PPP1CC: variants seen among roughly 807,000 people sequenced by gnomAD.
PPP1CC encodes protein phosphatase 1 catalytic subunit gamma.
Under a neutral mutation model 38.4 loss-of-function variants are expected in PPP1CC, and 16 were observed. That is an observed-to-expected ratio of 0.42 (90% CI 0.28 to 0.63). The LOEUF is 0.63. Ranked by LOEUF, PPP1CC falls within the 30% of genes least tolerant of loss-of-function variation. PPP1CC has a pLI of 0.25. For missense variants in PPP1CC, 170 were observed against 391.3 expected (o/e 0.43, Z 4.77); for synonymous variants, 158 against 136.0 (o/e 1.16, Z -1.13).
intron 1 of PPP1CC, among the ~76,000 whole-genome samples, chr12:110,736,933 CA>C (rs1410796262): frequency 6.6e-6 from 1 of 152,150 alleles, no homozygotes; most frequent in Non-Finnish European, 1.5e-5. Context: ...AAGAAAGGCA[CA>C]AGTGGTATAA....
In PPP1CC at chr12:110,722,086, G is replaced by A; in HGVS notation, c.882+49C>T. The A allele has an allele frequency of 1.9e-6, 3 of 1,602,568 alleles. No homozygotes were observed. The highest frequency in any genetic ancestry group is 2.6e-6 in the Non-Finnish European group (3 of 1,173,198). ...AAGTAGCAATTATATTTTTCAATCAGCAAAGTGTAAACATATTAAAAGGAA... is the reference window on the plus strand; with the variant it reads ...AAGTAGCAATTATATTTTTCAATCAACAAAGTGTAAACATATTAAAAGGAA... On this transcript the variant is annotated intron_variant, in intron 6 of 6. Coordinates refer to ENST00000335007, the MANE Select transcript of PPP1CC (RefSeq NM_002710.4). This position sits in a 1 kb window ranked among gnomAD's most constrained non-coding sequence, Gnocchi z 5.4.
intron 1 of PPP1CC, among the ~76,000 whole-genome samples, chr12:110,737,646 T>C (rs772516609): frequency 1.2e-4 from 18 of 151,762 alleles, no homozygotes; most frequent in Non-Finnish European, 1.5e-4. Context: ...ACTTCAGGCA[T>C]TGAGAAGTGA....
intron 3 of PPP1CC, among the ~76,000 whole-genome samples, chr12:110,728,215 C>A (rs1435621743): frequency 6.6e-6 from 1 of 151,434 alleles, no homozygotes. Context: ...CTGGCTAACA[C>A]AGTGAAACCC....
At chr12:110,734,829 CT>C (rs2136560977) in intron 1 of PPP1CC, 2 of 152,768 alleles carry the variant, frequency 1.3e-5, no homozygotes, top group South Asian at 4.2e-4. Context: ...CAAGTGAACA[CT>C]GGAGAGTTCT....
At chr12:110,719,207 A>T (rs1027420429), downstream of PPP1CC, among the ~76,000 whole-genome samples, 1 of 152,134 alleles carries the variant, frequency 6.6e-6, no homozygotes, top group Non-Finnish European at 1.5e-5. Context: ...ACAAGTTTGG[A>T]TATTGTCAAT....
chr12:110,740,985 CA>C (rs1278195438), intron 1 of PPP1CC, among the ~76,000 whole-genome samples: 3 of 152,268 alleles, frequency 2.0e-5, no homozygotes, highest in Admixed American at 2.0e-4. Flanking sequence ...TCCTTTCTTA[CA>C]GCAAACTATT....
chr12:110,735,837 G>A (rs2069937378), intron 1 of PPP1CC, among the ~76,000 whole-genome samples: 2 of 151,622 alleles, frequency 1.3e-5, no homozygotes, highest in Non-Finnish European at 2.9e-5. Flanking sequence ...GTCCGAAGCG[G>A]GCGGATCACC....
chr12:110,711,117 A>G, the PPP1CC span, among the ~76,000 whole-genome samples: 7 of 152,068 alleles, frequency 4.6e-5, no homozygotes, highest in Admixed American at 4.6e-4. Flanking sequence ...CGGAGGTTGC[A>G]GTGAGTGATG....
chr12:110,712,986 T>C, the PPP1CC span, among the ~76,000 whole-genome samples: 2 of 151,974 alleles, frequency 1.3e-5, no homozygotes, highest in East Asian at 3.9e-4. Flanking sequence ...AGCAGGAGAA[T>C]TGCTTGAACT....
intron 1 of PPP1CC, among the ~76,000 whole-genome samples, chr12:110,740,517 T>C (rs1244383981): frequency 2.6e-5 from 4 of 152,152 alleles, no homozygotes; most frequent in Non-Finnish European, 5.9e-5. Context: ...ATATCCTCAA[T>C]GGATCATCTT....
Position 110,741,733 on chromosome 12 carries a change from T to G in PPP1CC, c.55+920A>C, listed in dbSNP as rs143366062. Among the ~76,000 whole-genome samples, 1,520 of 152,368 alleles carry G rather than the reference T, an allele frequency of 1.0e-2. 88 individuals carry two copies. Among genetic ancestry groups the G allele is most frequent in the Admixed American group, 0.085 (1,297 of 15,298 alleles). Reference sequence around the variant, plus strand: ...CGGCTATGTGGATTTGAAATCCAACTGTCACTAACTGTGTGACCTTGGTTA... The same window carrying G: ...CGGCTATGTGGATTTGAAATCCAACGGTCACTAACTGTGTGACCTTGGTTA... On this transcript the variant is annotated intron_variant, in intron 1 of 6. Transcript: ENST00000335007.
At chr12:110,712,635 C>CAA in the PPP1CC span, among the ~76,000 whole-genome samples, 89 of 37,610 alleles carry the variant, frequency 2.4e-3, no homozygotes, top group African/African-American at 3.7e-3. Context: ...GAAACTGTCT[C>CAA]AAAAAAAAAA....
chr12:110,712,651 AAAAAAAAAAAAAAAAG>A, the PPP1CC span, among the ~76,000 whole-genome samples: 7 of 149,178 alleles, frequency 4.7e-5, no homozygotes, highest in Admixed American at 6.7e-5. Context: ...AAAAAAAAAA[AAAAAAAAAAAAAAAAG>A]GGGGGGCACT....
At chr12:110,737,352 C>T (rs2069954958) in intron 1 of PPP1CC, among the ~76,000 whole-genome samples, 2 of 151,614 alleles carry the variant, frequency 1.3e-5, no homozygotes, top group Admixed American at 1.3e-4. Context: ...GTGGTACATG[C>T]CTGTAGTCCC....
intron 1 of PPP1CC, among the ~76,000 whole-genome samples, chr12:110,741,983 C>A (rs1476629921): frequency 6.6e-6 from 1 of 152,254 alleles, no homozygotes; most frequent in African/African-American, 2.4e-5. Flanking sequence ...ATAGCGTCAG[C>A]CTCGTTGGCT....
the PPP1CC span, among the ~76,000 whole-genome samples, chr12:110,709,519 T>G: frequency 6.6e-6 from 1 of 150,892 alleles, no homozygotes; most frequent in African/African-American, 2.4e-5. Flanking sequence ...TGAGCCATGG[T>G]GCCCGGCCAA....
intron 1 of PPP1CC, among the ~76,000 whole-genome samples, chr12:110,740,289 AAAG>A (rs1471473485): frequency 1.3e-5 from 2 of 152,198 alleles, no homozygotes; most frequent in African/African-American, 4.8e-5. Flanking sequence ...GGCATTATGA[AAAG>A]AATAAAATTT....
downstream of PPP1CC, among the ~76,000 whole-genome samples, chr12:110,716,249 A>G (rs1009258900): frequency 6.6e-5 from 10 of 152,258 alleles, no homozygotes; most frequent in Middle Eastern, 6.8e-3. Flanking sequence ...TGCATGCCTT[A>G]TATTTTAAAA....
rs183994753 is a variant in PPP1CC, at chr12:110,723,612, C to T, written c.524-917G>A. On this transcript the variant is annotated intron_variant, in intron 4 of 6. Coordinates refer to ENST00000335007, the MANE Select transcript of PPP1CC (RefSeq NM_002710.4). Reference sequence around the variant, plus strand: ...GCAGCCTTAAACCCCTGGGTTCAAGCGATCCTCCCGCCTCAGCCTCCCAAA... The same window carrying T: ...GCAGCCTTAAACCCCTGGGTTCAAGTGATCCTCCCGCCTCAGCCTCCCAAA... Among the ~76,000 whole-genome samples the T allele has an allele frequency of 3.0e-3, 458 of 152,206 alleles. 3 individuals are homozygous for T. The highest frequency in any genetic ancestry group is 0.011 in the African/African-American group (444 of 41,498).
Sources: allele counts gnomAD v4.1 joint callset (sites outside exome capture counted in the v4.1 genomes callset), GRCh38; gene constraint gnomAD v4.1.1; non-coding constraint Gnocchi (gnomAD v3.1); transcripts MANE v1.5; gene names NCBI Gene and HGNC (gene_info 2026-07-23, HGNC 2026-07-21).